ANO4: variants seen among roughly 807,000 people sequenced by gnomAD.
ANO4 encodes anoctamin-4.
Under a neutral mutation model 141.9 loss-of-function variants are expected in ANO4, and 69 were observed. The ratio of observed to expected loss-of-function variants is 0.49; its 90% CI spans 0.40 to 0.59. The LOEUF (loss-of-function observed/expected upper bound fraction) is 0.59. Among genes scored for constraint, ANO4 ranks in the 20% least tolerant of loss-of-function variants. The pLI is 0.00. For missense variants in ANO4, 894 were observed against 1,162.2 expected (o/e 0.77, Z 3.36); for synonymous variants, 350 against 394.3 (o/e 0.89, Z 1.33).
At chr12:100,776,705 A>T (rs952650842) in intron 3 of ANO4, among the ~76,000 whole-genome samples, 2 of 152,172 alleles carry the variant, frequency 1.3e-5, no homozygotes, top group African/African-American at 4.8e-5. Context: ...TTTAGGGCCC[A>T]CCTGCTGGTC....
At chr12:100,979,901 T>TTTTTC (rs1429866609) in intron 7 of ANO4, among the ~76,000 whole-genome samples, 1 of 149,728 alleles carries the variant, frequency 6.7e-6, no homozygotes, top group Non-Finnish European at 1.5e-5. Flanking sequence ...CTGACTTTTT[T>TTTTTC]TTTTTTTTTT....
chr12:100,908,611 T>A (rs974371857), intron 2 of ANO4, among the ~76,000 whole-genome samples: 5 of 152,322 alleles, frequency 3.3e-5, no homozygotes, highest in African/African-American at 1.2e-4. Context: ...ATTTTTAGTG[T>A]ACTTGGACAA....
intron 8 of ANO4, among the ~76,000 whole-genome samples, chr12:100,994,124 C>A (rs549646317): frequency 8.5e-5 from 13 of 152,252 alleles, no homozygotes; most frequent in African/African-American, 2.6e-4. Context: ...CCAAATTTCC[C>A]CTGGTGGTAG....
chr12:101,111,774 TCAGA>T, intron 24 of ANO4, 64 bp downstream of exon 24: 3 of 1,468,714 alleles, frequency 2.0e-6, no homozygotes, highest in South Asian at 2.9e-5. Flanking sequence ...GGTTGGACAC[TCAGA>T]CAGAAGACTG....
Position 101,080,883 on chromosome 12 carries a change from T to TATATATATATAA in ANO4, c.1395+1608_1395+1609insATATATATATAA. Among the ~76,000 whole-genome samples the TATATATATATAA allele has an allele frequency of 4.0e-5, 3 of 74,102 alleles. No homozygotes were observed. In the East Asian group the frequency reaches 1.7e-3, roughly 41 times the overall value. 48.6% of individuals were successfully genotyped at this position (74,102 alleles called of 152,430 possible). On this transcript the variant is annotated intron_variant, in intron 15 of 27. Coordinates refer to ENST00000392977, the MANE Select transcript of ANO4 (RefSeq NM_001286615.2). The stretch of plus-strand genomic sequence containing the variant: ...GGTTCTAGATATATATATATATATA[T>TATATATATATAA]TATATATATATATATATACATACAC...
chr12:100,722,627 A>G (rs1274607779), intron 1 of ANO4, among the ~76,000 whole-genome samples: 1 of 152,058 alleles, frequency 6.6e-6, no homozygotes, highest in Non-Finnish European at 1.5e-5. Flanking sequence ...CTAATTTTGT[A>G]CTGCGGTGAG....
rs191855190 is a variant in ANO4, at chr12:100,766,737, T to C, written c.358+26632T>C. Among the ~76,000 whole-genome samples the C allele has an allele frequency of 2.5e-3, 375 of 152,306 alleles. 3 individuals are homozygous for C. The highest frequency in any genetic ancestry group is 7.8e-3 in the African/African-American group (323 of 41,584). On this transcript the variant is annotated intron_variant, in intron 3 of 29. Coordinates refer to the ANO4 transcript ENST00000644049. The stretch of plus-strand genomic sequence containing the variant: ...GTTGGATGGAAGTCTGTTTGATCTA[T>C]AGTGTTGTTCAAGTTTGCTCTTTTC...
intron 1 of ANO4, among the ~76,000 whole-genome samples, chr12:100,898,529 A>G (rs932586423): frequency 2.6e-5 from 4 of 152,122 alleles, no homozygotes; most frequent in Admixed American, 6.5e-5. Flanking sequence ...CCTCATACCT[A>G]TCTTCTCCTG....
At chr12:100,797,705 TC>T (rs1328750431) in intron 1 of ANO4, among the ~76,000 whole-genome samples, 3 of 152,194 alleles carry the variant, frequency 2.0e-5, no homozygotes, top group Non-Finnish European at 1.5e-5. Flanking sequence ...TTTCACTGTT[TC>T]TTTTGGTGGT....
At chr12:101,062,226 A>G (rs2048376149) in intron 14 of ANO4, among the ~76,000 whole-genome samples, 1 of 152,160 alleles carries the variant, frequency 6.6e-6, no homozygotes, top group African/African-American at 2.4e-5. Context: ...GCAGAACAGC[A>G]AAGATTGCTG....
intron 1 of ANO4, among the ~76,000 whole-genome samples, chr12:100,856,971 G>A (rs1439166877): frequency 6.6e-6 from 1 of 152,070 alleles, no homozygotes; most frequent in Non-Finnish European, 1.5e-5. Context: ...AGCAAAATAT[G>A]ATTCTCTGGT....
rs566522752 is a variant in ANO4, at chr12:100,832,598, G to A, written c.-141+37571G>A. On this transcript the variant is annotated intron_variant, in intron 1 of 27. Coordinates refer to ENST00000392977, the MANE Select transcript of ANO4 (RefSeq NM_001286615.2). ...ATATTATTTTATGTTGCTGATGTTGGGAGGTAGCATCTACTTTAGTTGAGG... is the reference window on the plus strand; with the variant it reads ...ATATTATTTTATGTTGCTGATGTTGAGAGGTAGCATCTACTTTAGTTGAGG... 6.6e-5 allele frequency among the ~76,000 whole-genome samples: 10 copies of A among 152,204 alleles called. 1 individual carries two copies. In the East Asian group the frequency reaches 1.9e-3, roughly 30 times the overall value.
chr12:100,838,688 T>G (rs1481533935), intron 1 of ANO4, among the ~76,000 whole-genome samples: 1 of 152,080 alleles, frequency 6.6e-6, no homozygotes, highest in Non-Finnish European at 1.5e-5. Context: ...AGGTCAGATT[T>G]TATGGGGCCT....
intron 1 of ANO4, among the ~76,000 whole-genome samples, chr12:100,815,749 ATATATG>A (rs1179459129): frequency 2.1e-5 from 3 of 141,562 alleles, no homozygotes; most frequent in African/African-American, 8.8e-5. Flanking sequence ...AACTTTACAT[ATATATG>A]TGTGTGTGTG....
chr12:101,104,453 G>A (rs558089835), intron 22 of ANO4, among the ~76,000 whole-genome samples: 30 of 150,082 alleles, frequency 2.0e-4, no homozygotes, highest in African/African-American at 5.4e-4. Context: ...ATTTATTTTC[G>A]ACTATGCATT....
intron 3 of ANO4, among the ~76,000 whole-genome samples, chr12:100,786,592 C>T (rs2033880787): frequency 6.6e-6 from 1 of 152,160 alleles, no homozygotes; most frequent in Non-Finnish European, 1.5e-5. Context: ...GAAATCTCTC[C>T]ATCAAGCCCC....
intron 8 of ANO4, among the ~76,000 whole-genome samples, chr12:100,994,346 A>G (rs777815494): frequency 3.3e-5 from 5 of 152,236 alleles, no homozygotes; most frequent in Non-Finnish European, 7.3e-5. Flanking sequence ...GCCCTGCTTA[A>G]GTATCATTGC....
At chr12:100,879,271 T>C (rs2039455324) in intron 1 of ANO4, among the ~76,000 whole-genome samples, 1 of 152,194 alleles carries the variant, frequency 6.6e-6, no homozygotes, top group Non-Finnish European at 1.5e-5. Flanking sequence ...GCTTTTTTAT[T>C]TTATATAATT....
intron 1 of ANO4, among the ~76,000 whole-genome samples, chr12:100,827,803 C>G (rs751487573): frequency 1.3e-5 from 2 of 151,924 alleles, no homozygotes; most frequent in Non-Finnish European, 1.5e-5. Context: ...GATGCAGAGG[C>G]CTTTAGCTGA....
Sources: allele counts gnomAD v4.1 joint callset (sites outside exome capture counted in the v4.1 genomes callset), GRCh38; gene constraint gnomAD v4.1.1; transcripts MANE v1.5; gene names NCBI Gene and HGNC (gene_info 2026-07-23, HGNC 2026-07-21).